Variants in VPS35L observed in about 807,000 individuals in gnomAD.
VPS35L encodes VPS35 endosomal protein sorting factor like, also known as VPS35 endosomal protein-sorting factor-like.
VPS35L carries 83 observed loss-of-function variants against 133.0 expected under a neutral mutation model. The ratio of observed to expected loss-of-function variants is 0.62; its 90% CI spans 0.52 to 0.75. VPS35L has a LOEUF of 0.75. Ranked by LOEUF, VPS35L falls within the 30% of genes least tolerant of loss-of-function variation. VPS35L has a pLI of 0.00. For missense variants in VPS35L, 1,083 were observed against 1,206.8 expected (o/e 0.90, Z 1.52); for synonymous variants, 423 against 449.9 (o/e 0.94, Z 0.76).
intron 7 of VPS35L, among the ~76,000 whole-genome samples, chr16:19,585,674 G>A (rs1011943615): frequency 4.6e-5 from 7 of 151,996 alleles, no homozygotes; most frequent in Non-Finnish European, 1.0e-4. Context: ...CAAAGTGCTG[G>A]GATTACAGGT....
At chr16:19,559,997 C>T (rs1437250415) in intron 1 of VPS35L, among the ~76,000 whole-genome samples, 2 of 152,160 alleles carry the variant, frequency 1.3e-5, no homozygotes, top group Non-Finnish European at 2.9e-5. Context: ...GCCACTGCGC[C>T]CGGCCCAGAA....
At chr16:19,586,311 G>C (rs182688908) in intron 7 of VPS35L, among the ~76,000 whole-genome samples, 2,245 of 116,322 alleles carry the variant, frequency 0.019, 47 homozygotes, top group African/African-American at 0.059. Context: ...AAGTGTGGAA[G>C]TATGTATGTA....
rs1480957167 is a variant in VPS35L, at chr16:19,691,397, G to A, written c.2572G>A (p.Ala858Thr). ...CTACGGGGGAGACTCCAAGTTCCTGGCAGAAAACAACAAGCTGTGTGAGAC... is the reference window on the plus strand; with the variant it reads ...CTACGGGGGAGACTCCAAGTTCCTGACAGAAAACAACAAGCTGTGTGAGAC... Reference protein sequence around the residue: ...SLYGGDSKFLAENNKLCETVM... With the variant: ...SLYGGDSKFLTENNKLCETVM... Residue 858 changes from alanine (A) to threonine (T), a missense_variant, in exon 29 of 31, where the codon GCA (alanine) becomes ACA (threonine). By Grantham distance (58) the Ala-to-Thr change is moderately conservative. Coordinates refer to ENST00000417362, the MANE Select transcript of VPS35L (RefSeq NM_020314.7). The A allele has an allele frequency of 1.9e-6, 3 of 1,613,832 alleles. No individual in the cohort carries two copies. Among genetic ancestry groups the A allele is most frequent in the Non-Finnish European group, 2.5e-6 (3 of 1,179,920 alleles).
chr16:19,588,772 A>G (rs1386213333), intron 7 of VPS35L, among the ~76,000 whole-genome samples: 2 of 152,170 alleles, frequency 1.3e-5, no homozygotes, highest in Non-Finnish European at 1.5e-5. Context: ...GCTGGTGCCC[A>G]TGTAAAGCTT....
At chr16:19,619,000 G>A (rs1321312236) in intron 14 of VPS35L, among the ~76,000 whole-genome samples, 8 of 150,172 alleles carry the variant, frequency 5.3e-5, no homozygotes, top group African/African-American at 2.0e-4. Context: ...GTGCAATCTC[G>A]GCTCGCTACA....
intron 2 of VPS35L, 47 bp from the exon 3 acceptor site, chr16:19,569,377 A>C (rs121235): frequency 6.3e-7 from 1 of 1,594,376 alleles, no homozygotes; most frequent in Non-Finnish European, 8.6e-7. Context: ...GTTTCACTGG[A>C]GAGAGTTGTG....
At chr16:19,598,929 T>C (rs1972296844) in intron 8 of VPS35L, among the ~76,000 whole-genome samples, 1 of 152,128 alleles carries the variant, frequency 6.6e-6, no homozygotes, top group Non-Finnish European at 1.5e-5. Flanking sequence ...AGGTGAGAAG[T>C]TATGCAGCCA....
At chr16:19,657,718 A>G (rs1974352478) in intron 26 of VPS35L, among the ~76,000 whole-genome samples, 1 of 152,238 alleles carries the variant, frequency 6.6e-6, no homozygotes, top group South Asian at 2.1e-4. Context: ...AGCCAGGGCC[A>G]TGATGTGGGA....
At chr16:19,666,996 T>TC (rs147556257) in intron 26 of VPS35L, among the ~76,000 whole-genome samples, 5 of 107,842 alleles carry the variant, frequency 4.6e-5, no homozygotes, top group Admixed American at 8.9e-5. Context: ...TTCTTTCTTT[T>TC]TTTTTGAGAC....
At chr16:19,619,839 G>A (rs2151556933) in intron 14 of VPS35L, among the ~76,000 whole-genome samples, 1 of 152,262 alleles carries the variant, frequency 6.6e-6, no homozygotes, top group East Asian at 1.9e-4. Context: ...CGGTATGGAA[G>A]GTGGTGTTAA....
intron 1 of VPS35L, among the ~76,000 whole-genome samples, chr16:19,556,811 T>G (rs16972189): frequency 0.26 from 18,445 of 71,758 alleles, 1,220 homozygotes; most frequent in Non-Finnish European, 0.42. Context: ...CACCCTGAGG[T>G]TTTTTTTTTT....
At chr16:19,599,228 C>T (rs1000624965) in intron 8 of VPS35L, among the ~76,000 whole-genome samples, 1 of 152,222 alleles carries the variant, frequency 6.6e-6, no homozygotes, top group Non-Finnish European at 1.5e-5. Flanking sequence ...GGCAGCTTTA[C>T]AAACACCCAC....
chr16:19,633,235 G>C lies in VPS35L; in HGVS notation c.1635+63G>C. 6.8e-7 allele frequency: 1 copy of C among 1,461,234 alleles called. No homozygotes were observed. The highest frequency in any genetic ancestry group is 9.6e-7 in the Non-Finnish European group (1 of 1,041,470). 90.5% of individuals were successfully genotyped at this position (1,461,234 alleles called of 1,614,324 possible). Reference sequence around the variant, plus strand: ...AATTTTGTTCTGTTGAATTAAATAGGCGTGTTGTATGGGTCAGGCTATAAA... The same window carrying C: ...AATTTTGTTCTGTTGAATTAAATAGCCGTGTTGTATGGGTCAGGCTATAAA... On this transcript the variant is annotated intron_variant, in intron 19 of 30. Transcript: ENST00000417362. The surrounding 1 kb of genome is among the most constrained non-coding windows in gnomAD (Gnocchi z 4.1).
intron 25 of VPS35L, 107 bp downstream of exon 25, chr16:19,650,566 G>A (rs1340230341): frequency 1.1e-6 from 1 of 912,584 alleles, no homozygotes; most frequent in East Asian, 2.5e-5. Context: ...GTCATGATAA[G>A]AATGGTTTAG....
rs116035737 is a variant in VPS35L, at chr16:19,644,098, T to G, written c.1866-788T>G. Among the ~76,000 whole-genome samples the G allele has an allele frequency of 5.4e-3, 819 of 151,330 alleles. 5 individuals are homozygous for G. The highest frequency in any genetic ancestry group is 0.019 in the African/African-American group (774 of 41,318). Reference sequence around the variant, plus strand: ...CCTGTTTTCTCTGGGCTCTTAAAAATTTTTTTTTTAAATAACTTTGGGGAA... The same window carrying G: ...CCTGTTTTCTCTGGGCTCTTAAAAAGTTTTTTTTTAAATAACTTTGGGGAA... On this transcript the variant is annotated intron_variant, in intron 22 of 30. Transcript: ENST00000417362.
chr16:19,617,129 G>C, intron 14 of VPS35L: 1 of 566,254 alleles, frequency 1.8e-6, no homozygotes, highest in East Asian at 2.9e-5. Context: ...GCCAAGGTGG[G>C]AGGATCACTT....
At chr16:19,587,797 CTTTTT>C (rs775544331) in intron 7 of VPS35L, among the ~76,000 whole-genome samples, 2 of 118,954 alleles carry the variant, frequency 1.7e-5, no homozygotes, top group Non-Finnish European at 1.7e-5. Flanking sequence ...TCCACATTGT[CTTTTT>C]TTTTTTTTTT....
chr16:19,585,952 C>T (rs1422449674), intron 7 of VPS35L, among the ~76,000 whole-genome samples: 1 of 151,964 alleles, frequency 6.6e-6, no homozygotes. Context: ...AGATGGAGTG[C>T]AGTGGTGCCA....
chr16:19,648,527 A>G (rs762542414), intron 24 of VPS35L, among the ~76,000 whole-genome samples: 26 of 152,122 alleles, frequency 1.7e-4, no homozygotes, highest in Non-Finnish European at 2.5e-4. Flanking sequence ...GTAACTTTTT[A>G]TGGTGCCCTC....
Sources: gnomAD v4.1 joint callset for allele counts (sites outside exome capture counted in the v4.1 genomes callset) on GRCh38, gnomAD v4.1.1 for gene constraint, Gnocchi (gnomAD v3.1) non-coding constraint, MANE v1.5 for transcripts, NCBI Gene and HGNC (gene_info 2026-07-23, HGNC 2026-07-21) for gene names.